Variants in ZBBX observed in about 807,000 individuals in gnomAD.
ZBBX encodes the protein zinc finger B-box domain-containing protein 1.
ZBBX carries 101 observed loss-of-function variants against 108.5 expected under a neutral mutation model. The ratio of observed to expected loss-of-function variants is 0.93; its 90% CI spans 0.79 to 1.10. ZBBX has a LOEUF of 1.10. Ranked by LOEUF, ZBBX falls within the 50% of genes least tolerant of loss-of-function variation. ZBBX has a pLI of 0.00. For missense variants in ZBBX, 1,009 were observed against 941.4 expected (o/e 1.07, Z -0.94); for synonymous variants, 356 against 323.4 (o/e 1.10, Z -1.08).
chr3:167,221,263 T>G, the ZBBX span, among the ~76,000 whole-genome samples: 4 of 123,128 alleles, frequency 3.2e-5, no homozygotes, highest in South Asian at 5.9e-4. Flanking sequence ...TGATTTCAAG[T>G]TATACTACAG....
At chr3:167,202,033 T>C in the ZBBX span, among the ~76,000 whole-genome samples, 1 of 152,122 alleles carries the variant, frequency 6.6e-6, no homozygotes, top group Admixed American at 6.6e-5. Context: ...GTTCCTGCTC[T>C]GTTTCATTTG....
chr3:167,270,540 A>G (rs186899672), intron 20 of ZBBX, among the ~76,000 whole-genome samples: 13 of 152,284 alleles, frequency 8.5e-5, no homozygotes, highest in Admixed American at 8.5e-4. Flanking sequence ...TGGAGTGGCT[A>G]TAGGAGTGCT....
the ZBBX span, among the ~76,000 whole-genome samples, chr3:167,209,759 T>C: frequency 6.6e-6 from 1 of 151,994 alleles, no homozygotes; most frequent in Non-Finnish European, 1.5e-5. Flanking sequence ...GGAACAATCA[T>C]GGAAAAATAG....
the ZBBX span, among the ~76,000 whole-genome samples, chr3:167,188,096 T>C: frequency 1.3e-5 from 2 of 152,086 alleles, no homozygotes; most frequent in Non-Finnish European, 2.9e-5. Flanking sequence ...TTAAAGGCAA[T>C]GTAATTAAAC....
chr3:167,240,041 T>C lies in ZBBX; in HGVS notation c.*752A>G, dbSNP rs1399353914. ...ACTCATTATCACGAGAACAGCAGCA[T>C]AGGGGTAACTGCCCCCATGATTCAA... is the stretch of plus-strand genomic sequence containing the variant. On this transcript the variant is annotated 3_prime_UTR_variant, in exon 22 of 22. Transcript: ENST00000675490. Among the ~76,000 whole-genome samples, 1 of 152,052 alleles carries C rather than the reference T, an allele frequency of 6.6e-6. No homozygotes were observed. Among genetic ancestry groups the C allele is most frequent in the African/African-American group, 2.4e-5 (1 of 41,426 alleles).
rs73028636 is a variant in ZBBX at position 167,333,274 on chromosome 3, T to A, written c.687+553A>T. ...AAAAGAATGAGGATTATAACATAGATCAAAATTTGAAGTTCATTTCTTGCT... is the reference window on the plus strand; with the variant it reads ...AAAAGAATGAGGATTATAACATAGAACAAAATTTGAAGTTCATTTCTTGCT... On this transcript the variant is annotated intron_variant, in intron 10 of 21. Transcript: ENST00000675490. Among the ~76,000 whole-genome samples, 387 of 152,066 alleles carry A rather than the reference T, an allele frequency of 2.5e-3. 1 individual carries two copies. The highest frequency in any genetic ancestry group is 4.1e-3 in the Admixed American group (63 of 15,260).
At position 167,241,024 on chromosome 3, in the gene ZBBX, C is replaced by T; in HGVS notation, c.2394-105G>A. 4 of 1,340,626 alleles carry T rather than the reference C, an allele frequency of 3.0e-6. No individual in the cohort carries two copies. The South Asian group carries it at 4.3e-5, about 14-fold the overall frequency. 83.0% of individuals were successfully genotyped at this position (1,340,626 alleles called of 1,614,324 possible). A position where few individuals can be genotyped will look rare whatever the true frequency, so the allele number is the denominator to read the frequency against. On this transcript the variant is annotated intron_variant, in intron 21 of 21. Transcript: ENST00000675490. ...ATATGTTGGAGTTGCTGGAGGCAAG[C>T]AGATGTGAGGGAGCTGTATCAGACT...
intron 9 of ZBBX, among the ~76,000 whole-genome samples, chr3:167,341,675 A>G (rs1045648771): frequency 2.0e-4 from 31 of 151,966 alleles, no homozygotes; most frequent in African/African-American, 7.0e-4. Context: ...ATAATTATGC[A>G]CTATATTAAT....
chr3:167,199,730 T>C, the ZBBX span, among the ~76,000 whole-genome samples: 80 of 152,300 alleles, frequency 5.3e-4, no homozygotes, highest in African/African-American at 1.9e-3. Flanking sequence ...TCTAGTAATA[T>C]GGCTAAATAC....
rs749768727 is a variant in ZBBX at position 167,333,810 on chromosome 3, TATTTTCCTCA to T, written c.687+7_687+16del. 1.6e-5 allele frequency: 25 copies of T among 1,573,086 alleles called. No individual in the cohort carries two copies. The South Asian group carries it at 3.0e-4, about 19-fold the overall frequency. On this transcript the variant is annotated splice_region_variant and intron_variant, in intron 10 of 21. Coordinates refer to ENST00000675490, the MANE Select transcript of ZBBX (RefSeq NM_001199201.2). Reference sequence around the variant, plus strand: ...TACATATGTCAGAAAATGTCTACTATATTTTCCTCAGTTTACCTCAGAGCTGCTCCTCTGG... The same window carrying T: ...TACATATGTCAGAAAATGTCTACTATGTTTACCTCAGAGCTGCTCCTCTGG...
chr3:167,378,637 G>C (rs796361556), intron 2 of ZBBX, among the ~76,000 whole-genome samples: 10 of 152,320 alleles, frequency 6.6e-5, no homozygotes, highest in African/African-American at 2.4e-4. Flanking sequence ...ACGGTTCAGG[G>C]AAAGGGGCAG....
At chr3:167,359,011 A>G (rs1744084493) in intron 8 of ZBBX, among the ~76,000 whole-genome samples, 1 of 151,496 alleles carries the variant, frequency 6.6e-6, no homozygotes, top group South Asian at 2.1e-4. Flanking sequence ...ACATACACAA[A>G]TGTCCATAGC....
intron 15 of ZBBX, among the ~76,000 whole-genome samples, chr3:167,315,312 G>T (rs1398865117): frequency 6.6e-6 from 1 of 152,094 alleles, no homozygotes; most frequent in East Asian, 1.9e-4. Context: ...ATCTACCTAG[G>T]AAGTAATCTA....
the ZBBX span, among the ~76,000 whole-genome samples, chr3:167,199,044 A>C: frequency 6.6e-6 from 1 of 152,206 alleles, no homozygotes; most frequent in African/African-American, 2.4e-5. Flanking sequence ...CACTGAAATG[A>C]AGTTTTAGAC....
chr3:167,291,444 C>T (rs1730678490), intron 18 of ZBBX, among the ~76,000 whole-genome samples: 4 of 152,040 alleles, frequency 2.6e-5, no homozygotes, highest in South Asian at 4.2e-4. Flanking sequence ...AATTTTACAT[C>T]CAGCCAAACT....
the ZBBX span, among the ~76,000 whole-genome samples, chr3:167,234,445 T>C: frequency 6.6e-6 from 1 of 151,796 alleles, no homozygotes; most frequent in African/African-American, 2.4e-5. Context: ...AATCCTAAGG[T>C]GAAAACTTGA....
At chr3:167,183,838 C>T in the ZBBX span, among the ~76,000 whole-genome samples, 6 of 152,116 alleles carry the variant, frequency 3.9e-5, no homozygotes, top group African/African-American at 1.4e-4. Context: ...CACAGTGCTG[C>T]AGAGATTATT....
At chr3:167,239,397 T>G (rs142202233), downstream of ZBBX, among the ~76,000 whole-genome samples, 1 of 152,238 alleles carries the variant, frequency 6.6e-6, no homozygotes, top group Non-Finnish European at 1.5e-5. Context: ...ACATGGATTT[T>G]CTTCTGCCTC....
chr3:167,360,208 C>T (rs1744287042), intron 7 of ZBBX, among the ~76,000 whole-genome samples: 1 of 148,804 alleles, frequency 6.7e-6, no homozygotes, highest in African/African-American at 2.4e-5. Flanking sequence ...AATCATGCAA[C>T]ATTTGTGTTT....
Sources: gnomAD v4.1 joint callset for allele counts (sites outside exome capture counted in the v4.1 genomes callset) on GRCh38, gnomAD v4.1.1 for gene constraint, MANE v1.5 for transcripts, NCBI Gene and HGNC (gene_info 2026-07-23, HGNC 2026-07-21) for gene names.